Variants in SLC38A12 observed in about 807,000 individuals in gnomAD.
SLC38A12 encodes the protein putative sodium-coupled neutral amino acid transporter 12.
chr17:74,837,382 C>T, the SLC38A12 span: 2 of 985,426 alleles, frequency 2.0e-6, no homozygotes, highest in Non-Finnish European at 2.4e-6. Flanking sequence ...TCTACAGGGA[C>T]ACAGCCGCCT....
the SLC38A12 span, among the ~76,000 whole-genome samples, chr17:74,824,466 G>A: frequency 1.3e-5 from 2 of 152,226 alleles, no homozygotes; most frequent in African/African-American, 4.8e-5. Context: ...CCCGCCGCAG[G>A]GAGCTCTCGG....
chr17:74,831,438 T>C, the SLC38A12 span, among the ~76,000 whole-genome samples: 6 of 152,214 alleles, frequency 3.9e-5, no homozygotes, highest in African/African-American at 1.2e-4. Context: ...GCGGTGGCTT[T>C]TGCGTTGGCT....
At chr17:74,783,505 G>A in the SLC38A12 span, among the ~76,000 whole-genome samples, 1 of 152,094 alleles carries the variant, frequency 6.6e-6, no homozygotes, top group African/African-American at 2.4e-5. Context: ...GGCTGGGGAG[G>A]TGGCACAAGA....
the SLC38A12 span, chr17:74,795,086 C>T: frequency 1.2e-6 from 2 of 1,614,136 alleles, no homozygotes; most frequent in Non-Finnish European, 1.7e-6. Context: ...TGCTGCCGTG[C>T]CCTTCTCCCT....
At chr17:74,814,424 C>T in the SLC38A12 span, among the ~76,000 whole-genome samples, 2 of 152,178 alleles carry the variant, frequency 1.3e-5, no homozygotes, top group African/African-American at 4.8e-5. Context: ...AGGCTCTTCC[C>T]GGGTGCACTC....
the SLC38A12 span, among the ~76,000 whole-genome samples, chr17:74,792,851 T>C: frequency 8.5e-5 from 13 of 152,342 alleles, no homozygotes; most frequent in African/African-American, 2.9e-4. Flanking sequence ...GCATCTGTGC[T>C]TCTCCTTTGT....
the SLC38A12 span, among the ~76,000 whole-genome samples, chr17:74,834,259 T>C: frequency 0.3 from 44,989 of 151,644 alleles, 6,933 homozygotes; most frequent in East Asian, 0.43. Flanking sequence ...AGGAACTAGG[T>C]CGCCGCTTCC....
the SLC38A12 span, among the ~76,000 whole-genome samples, chr17:74,818,756 A>G: frequency 6.6e-6 from 1 of 152,234 alleles, no homozygotes. Flanking sequence ...AAATGTTAAT[A>G]AGGTCTGATG....
chr17:74,825,657 G>A, the SLC38A12 span, among the ~76,000 whole-genome samples: 1 of 152,210 alleles, frequency 6.6e-6, no homozygotes, highest in Non-Finnish European at 1.5e-5. Flanking sequence ...CCAGCTACCA[G>A]ACAAAGACTC....
chr17:74,808,379 TGA>T, the SLC38A12 span, among the ~76,000 whole-genome samples: 2 of 152,230 alleles, frequency 1.3e-5, no homozygotes, highest in African/African-American at 4.8e-5. Flanking sequence ...CTAAGCAGTG[TGA>T]GGTTTGGGAC....
chr17:74,821,427 C>T, the SLC38A12 span, among the ~76,000 whole-genome samples: 2 of 152,202 alleles, frequency 1.3e-5, no homozygotes, highest in African/African-American at 4.8e-5. Flanking sequence ...GTTCCAAAGC[C>T]CCAGGTTAAA....
chr17:74,819,764 C>T, the SLC38A12 span: 2 of 1,614,250 alleles, frequency 1.2e-6, no homozygotes, highest in South Asian at 1.1e-5. Flanking sequence ...TCTTCACTCT[C>T]CTCCTCGGAC....
the SLC38A12 span, among the ~76,000 whole-genome samples, chr17:74,784,846 A>G: frequency 6.6e-6 from 1 of 152,140 alleles, no homozygotes; most frequent in East Asian, 1.9e-4. Context: ...GGGGGTGATA[A>G]AATGGAATTA....
the SLC38A12 span, among the ~76,000 whole-genome samples, chr17:74,782,567 C>T: frequency 1.8e-3 from 271 of 152,290 alleles, 2 homozygotes; most frequent in South Asian, 4.8e-3. Context: ...TACACATGAG[C>T]ATGAAAGTAC....
the SLC38A12 span, among the ~76,000 whole-genome samples, chr17:74,832,446 T>C: frequency 6.6e-6 from 1 of 152,224 alleles, no homozygotes; most frequent in Admixed American, 6.5e-5. Context: ...ACTGGGGCCA[T>C]TTCCACTGGG....
At chr17:74,838,102 G>A in the SLC38A12 span, 15 of 985,742 alleles carry the variant, frequency 1.5e-5, no homozygotes, top group South Asian at 1.4e-4. Flanking sequence ...CAGGGAACTC[G>A]GGGAGCCCAC....
At chr17:74,788,730 TTCTC>T in the SLC38A12 span, 27 of 1,503,536 alleles carry the variant, frequency 1.8e-5, no homozygotes, top group Non-Finnish European at 2.4e-5. Context: ...GGTGTTTTCC[TTCTC>T]TCTCTGTCTC....
the SLC38A12 span, chr17:74,838,492 CA>C: frequency 6.9e-6 from 7 of 1,016,502 alleles, no homozygotes; most frequent in Non-Finnish European, 8.2e-6. Context: ...ATCTTGGACG[CA>C]AATTCATTAG....
At chr17:74,795,155 C>A in the SLC38A12 span, 2 of 1,522,040 alleles carry the variant, frequency 1.3e-6, no homozygotes, top group Non-Finnish European at 9.1e-7. Context: ...GCCAAAGGGG[C>A]TTCCTCAGCA....
Sources: gnomAD v4.1 joint callset for allele counts (sites outside exome capture counted in the v4.1 genomes callset) on GRCh38, gnomAD v4.1.1 for gene constraint, MANE v1.5 for transcripts, NCBI Gene and HGNC (gene_info 2026-07-23, HGNC 2026-07-21) for gene names.